DOCK3: variants seen among roughly 807,000 people sequenced by gnomAD.
The protein encoded by DOCK3 is dedicator of cytokinesis 3, also known as dedicator of cytokinesis protein 3.
Under a neutral mutation model 265.6 loss-of-function variants are expected in DOCK3, and 60 were observed. That is an observed-to-expected ratio of 0.23 (90% CI 0.18 to 0.28). The LOEUF is 0.28. DOCK3 is among the 10% of genes least tolerant of loss of function. DOCK3 has a pLI of 1.00. For missense variants in DOCK3, 1,981 were observed against 2,594.3 expected, an observed-to-expected ratio of 0.76 and a Z score of 5.14; for synonymous variants, 881 against 938.0, an observed-to-expected ratio of 0.94 and a Z score of 1.11.
intron 49 of DOCK3, among the ~76,000 whole-genome samples, chr3:51,372,832 G>T (rs2087795720): frequency 6.6e-6 from 1 of 152,202 alleles, no homozygotes; most frequent in Non-Finnish European, 1.5e-5. Context: ...GTGAGAATAG[G>T]TGCTTTTTTC....
intron 1 of DOCK3, among the ~76,000 whole-genome samples, chr3:50,760,692 C>G (rs1226269677): frequency 6.6e-6 from 1 of 152,012 alleles, no homozygotes; most frequent in African/African-American, 2.4e-5. Context: ...AGAATGTAAC[C>G]ACGTTGTTAG....
intron 27 of DOCK3, among the ~76,000 whole-genome samples, chr3:51,290,429 G>A (rs780329582): frequency 8.6e-4 from 130 of 152,042 alleles, no homozygotes; most frequent in Middle Eastern, 6.8e-3. Flanking sequence ...GCAAACTATC[G>A]CAAGGACAGA....
chr3:51,337,133 C>A (rs2084925491), intron 35 of DOCK3, among the ~76,000 whole-genome samples: 1 of 152,142 alleles, frequency 6.6e-6, no homozygotes, highest in South Asian at 2.1e-4. Flanking sequence ...ATAGGTCAAA[C>A]CCCCCTAGAA....
At chr3:51,290,120 AGT>A (rs2081649071) in intron 27 of DOCK3, among the ~76,000 whole-genome samples, 1 of 152,216 alleles carries the variant, frequency 6.6e-6, no homozygotes, top group Admixed American at 6.5e-5. Context: ...TGTGGAAGAC[AGT>A]GTGGCAATTC....
rs145051487 is a variant in DOCK3 at position 50,815,347 on chromosome 3, A to T, written c.122-26328A>T. Among the ~76,000 whole-genome samples, 432 of 152,162 alleles carry T rather than the reference A, an allele frequency of 2.8e-3. 5 individuals carry two copies. Among genetic ancestry groups the T allele is most frequent in the Non-Finnish European group, 5.2e-3 (354 of 68,006 alleles). On this transcript the variant is annotated intron_variant, in intron 2 of 52. Transcript: ENST00000266037. ...TTGTTTTCTTTGGAATTAATATTTG[A>T]CTTATTTTTTCATTTACCTAGTTTT...
At chr3:51,129,853 C>A (rs888489709) in intron 9 of DOCK3, among the ~76,000 whole-genome samples, 1 of 152,204 alleles carries the variant, frequency 6.6e-6, no homozygotes, top group Non-Finnish European at 1.5e-5. Context: ...AGTGGCAGAG[C>A]AGCTTGCACA....
At chr3:51,112,527 G>A (rs976507260) in intron 9 of DOCK3, among the ~76,000 whole-genome samples, 3 of 152,188 alleles carry the variant, frequency 2.0e-5, no homozygotes, top group Non-Finnish European at 4.4e-5. Context: ...ACTTAGATTT[G>A]TGCCTATTGC....
chr3:51,107,809 A>T (rs1290216549), intron 9 of DOCK3, among the ~76,000 whole-genome samples: 1 of 152,236 alleles, frequency 6.6e-6, no homozygotes, highest in Non-Finnish European at 1.5e-5. Flanking sequence ...CTAGAGGGCC[A>T]ACATTCAAAT....
intron 4 of DOCK3, among the ~76,000 whole-genome samples, chr3:50,926,158 C>T (rs1391845391): frequency 6.6e-6 from 1 of 152,056 alleles, no homozygotes; most frequent in Non-Finnish European, 1.5e-5. Flanking sequence ...GCTTTGTGCC[C>T]GAGTGCTTCT....
intron 2 of DOCK3, chr3:50,788,007 T>C: frequency 1.3e-6 from 1 of 772,392 alleles, no homozygotes; most frequent in South Asian, 1.5e-5. Flanking sequence ...TGGTCTTCCT[T>C]AATAGCATGC....
At chr3:51,130,298 G>T (rs906099035) in intron 9 of DOCK3, among the ~76,000 whole-genome samples, 1 of 152,334 alleles carries the variant, frequency 6.6e-6, no homozygotes, top group Admixed American at 6.5e-5. Flanking sequence ...TCCAAATAAG[G>T]TTATGACACA....
At chr3:51,117,921 T>C (rs995470565) in intron 9 of DOCK3, among the ~76,000 whole-genome samples, 7 of 152,188 alleles carry the variant, frequency 4.6e-5, no homozygotes, top group African/African-American at 1.7e-4. Context: ...CCTGGATTCA[T>C]TGATTTTTTG....
intron 38 of DOCK3, among the ~76,000 whole-genome samples, chr3:51,347,829 T>C (rs1210206111): frequency 6.6e-6 from 1 of 152,220 alleles, no homozygotes; most frequent in Non-Finnish European, 1.5e-5. Context: ...CAGTGGTTTG[T>C]AGTTCTTCTT....
chr3:51,138,201 G>A (rs1407091130), intron 9 of DOCK3, among the ~76,000 whole-genome samples: 5 of 152,030 alleles, frequency 3.3e-5, no homozygotes, highest in African/African-American at 1.2e-4. Context: ...CACTTTTTTT[G>A]TAAAACAGCT....
intron 1 of DOCK3, among the ~76,000 whole-genome samples, chr3:50,757,143 G>A (rs1346768734): frequency 6.9e-6 from 1 of 144,620 alleles, no homozygotes; most frequent in Non-Finnish European, 1.5e-5. Context: ...GTGAGCCACT[G>A]TGCCCAGTCA....
intron 5 of DOCK3, among the ~76,000 whole-genome samples, chr3:51,007,455 A>G (rs1347407068): frequency 2.6e-5 from 4 of 151,992 alleles, no homozygotes; most frequent in African/African-American, 4.8e-5. Flanking sequence ...TCCTTCACCC[A>G]CTTTTTGATG....
chr3:50,930,990 C>T (rs935622705), intron 4 of DOCK3, among the ~76,000 whole-genome samples: 9 of 152,096 alleles, frequency 5.9e-5, no homozygotes, highest in Admixed American at 2.6e-4. Context: ...ACAGAGGCTC[C>T]GGGCCTGGGG....
chr3:50,925,561 A>T (rs1299461129), intron 4 of DOCK3, among the ~76,000 whole-genome samples: 1 of 152,164 alleles, frequency 6.6e-6, no homozygotes, highest in Non-Finnish European at 1.5e-5. Flanking sequence ...CTCCTTAAAA[A>T]AAAAAAGTTT....
intron 32 of DOCK3, among the ~76,000 whole-genome samples, chr3:51,321,443 A>G (rs2083721882): frequency 6.6e-6 from 1 of 152,240 alleles, no homozygotes; most frequent in South Asian, 2.1e-4. Context: ...CACAACTCCT[A>G]GCCAGCAAGG....
Sources: gnomAD v4.1 joint callset for allele counts (sites outside exome capture counted in the v4.1 genomes callset) on GRCh38, gnomAD v4.1.1 for gene constraint, MANE v1.5 for transcripts, NCBI Gene and HGNC (gene_info 2026-07-23, HGNC 2026-07-21) for gene names.